The following COL14A1 variants were observed in gnomAD, a reference collection of about 807,000 sequenced individuals.
COL14A1 encodes the protein collagen alpha-1(XIV) chain.
A neutral mutation model predicts 230.3 loss-of-function variants in COL14A1; 136 were observed. That is an observed-to-expected ratio of 0.59 (90% confidence interval 0.51 to 0.68). The LOEUF is 0.68. Among genes scored for constraint, COL14A1 ranks in the 30% least tolerant of loss-of-function variants. COL14A1 has a pLI of 0.00. For missense variants in COL14A1, 1,976 were observed against 2,215.8 expected, an observed-to-expected ratio of 0.89 and a Z score of 2.17; for synonymous variants, 792 against 784.1, an observed-to-expected ratio of 1.01 and a Z score of -0.17.
chr8:120,271,397 G>A (rs1586820602), intron 26 of COL14A1, among the ~76,000 whole-genome samples: 1 of 151,166 alleles, frequency 6.6e-6, no homozygotes, highest in East Asian at 2.0e-4. Context: ...AAAAAAACAA[G>A]AGAAAAGGGA....
intron 31 of COL14A1, among the ~76,000 whole-genome samples, chr8:120,282,627 T>C (rs2129913918): frequency 6.6e-6 from 1 of 152,332 alleles, no homozygotes; most frequent in South Asian, 2.1e-4. Flanking sequence ...CACGCTAAAC[T>C]TGCACATTTA....
chr8:120,233,325 G>C (rs746132007), intron 19 of COL14A1, among the ~76,000 whole-genome samples: 20 of 152,156 alleles, frequency 1.3e-4, no homozygotes, highest in Non-Finnish European at 2.1e-4. Flanking sequence ...TGGTGTTTTA[G>C]TCATGAAGTC....
At chr8:120,241,172 A>C (rs1350154116) in intron 19 of COL14A1, among the ~76,000 whole-genome samples, 1 of 152,358 alleles carries the variant, frequency 6.6e-6, no homozygotes, top group South Asian at 2.1e-4. Flanking sequence ...AAACATTGAT[A>C]GCCATTTGAC....
At chr8:120,173,684 A>G (rs572312003) in intron 5 of COL14A1, among the ~76,000 whole-genome samples, 6 of 151,256 alleles carry the variant, frequency 4.0e-5, no homozygotes, top group African/African-American at 1.5e-4. Context: ...CTATCTATCT[A>G]TCTATCTATC....
intron 5 of COL14A1, among the ~76,000 whole-genome samples, chr8:120,195,093 G>A (rs961540091): frequency 6.6e-6 from 1 of 152,072 alleles, no homozygotes; most frequent in African/African-American, 2.4e-5. Context: ...TATTTCATTG[G>A]CAAATTCATT....
intron 37 of COL14A1, among the ~76,000 whole-genome samples, chr8:120,313,700 T>C (rs1821117430): frequency 6.6e-6 from 1 of 152,174 alleles, no homozygotes; most frequent in Non-Finnish European, 1.5e-5. Context: ...AAAGTAGTAA[T>C]GATAAAAATA....
intron 2 of COL14A1, among the ~76,000 whole-genome samples, chr8:120,152,803 G>C (rs73317791): frequency 0.34 from 51,527 of 151,962 alleles, 9,319 homozygotes; most frequent in African/African-American, 0.45. Flanking sequence ...TGGTTCTAGC[G>C]ATGTTTGTTT....
intron 10 of COL14A1, among the ~76,000 whole-genome samples, chr8:120,207,334 C>A (rs72675796): frequency 6.6e-6 from 1 of 152,148 alleles, no homozygotes; most frequent in East Asian, 1.9e-4. Flanking sequence ...TCTAACACAA[C>A]GTATTTTTCT....
intron 2 of COL14A1, among the ~76,000 whole-genome samples, chr8:120,151,363 T>A (rs1345934194): frequency 6.6e-6 from 1 of 151,636 alleles, no homozygotes; most frequent in Non-Finnish European, 1.5e-5. Flanking sequence ...GAAAAAAAAA[T>A]AGTCTGGTGG....
intron 22 of COL14A1, among the ~76,000 whole-genome samples, chr8:120,253,195 G>A (rs1250808497): frequency 1.3e-5 from 2 of 152,142 alleles, no homozygotes; most frequent in Non-Finnish European, 2.9e-5. Flanking sequence ...TTTTAGTAAA[G>A]ACAGGGTTTC....
chr8:120,223,920 GTAC>G (rs1818009633), intron 14 of COL14A1, among the ~76,000 whole-genome samples: 1 of 151,352 alleles, frequency 6.6e-6, no homozygotes, highest in South Asian at 2.1e-4. Context: ...TATGCACCCT[GTAC>G]TATGCAGCGC....
rs563111501 is a variant in COL14A1 at position 120,246,525 on chromosome 8, A to G, written c.2480-1088A>G. 2.0e-3 allele frequency among the ~76,000 whole-genome samples: 304 copies of G among 152,366 alleles called. 1 individual carries two copies. The highest frequency in any genetic ancestry group is 6.9e-3 in the African/African-American group (287 of 41,592). ...TCACAGACTTAAGCAACAATTAAAG[A>G]AAACATCAAGTAGTATTTTACCTAG... On this transcript the variant is annotated intron_variant, in intron 20 of 47. Coordinates refer to ENST00000297848, the MANE Select transcript of COL14A1 (RefSeq NM_021110.4).
At chr8:120,224,943 A>T in intron 14 of COL14A1, 145 bp from the exon 15 acceptor site, 1 of 637,362 alleles carries the variant, frequency 1.6e-6, no homozygotes. Context: ...AGAAATGTTC[A>T]TACATAAACT....
intron 1 of COL14A1, among the ~76,000 whole-genome samples, chr8:120,126,679 T>C (rs1238073826): frequency 6.6e-6 from 1 of 152,140 alleles, no homozygotes; most frequent in African/African-American, 2.4e-5. Context: ...ATAGAGAGGC[T>C]CTCTTGAAAC....
At position 120,371,180 on chromosome 8, in the gene COL14A1, C is replaced by T. The variant is rs377301171; in HGVS notation, c.5340C>T (p.Thr1780=). The change falls in exon 48 of 48, where the codon ACC becomes ACT. Residue 1780 remains threonine (T), a synonymous_variant. Coordinates refer to ENST00000297848, the MANE Select transcript of COL14A1 (RefSeq NM_021110.4). ...CCCATCCAGATCAGCCAGAGTTCAC[C>T]CCTGTCCAAGATGAGCTGGAAGCCA... ...RAPHPDQPEF[T]PVQDELEAME... 1.7e-5 allele frequency: 28 copies of T among 1,611,102 alleles called. No individual in the cohort carries two copies. Among genetic ancestry groups the T allele is most frequent in the Non-Finnish European group, 2.3e-5 (27 of 1,178,734 alleles).
chr8:120,358,257 A>G (rs1823055010), intron 45 of COL14A1, among the ~76,000 whole-genome samples: 1 of 152,194 alleles, frequency 6.6e-6, no homozygotes, highest in Admixed American at 6.5e-5. Flanking sequence ...TTCAATACCC[A>G]GATAGAGTAT....
chr8:120,226,307 TA>T (rs113509831), intron 15 of COL14A1, among the ~76,000 whole-genome samples: 5,188 of 150,030 alleles, frequency 0.035, 291 homozygotes, highest in African/African-American at 0.12. Context: ...AAATAATATT[TA>T]AAAAAAAAAT....
intron 3 of COL14A1, among the ~76,000 whole-genome samples, 166 bp from the exon 4 acceptor site, chr8:120,162,259 AT>A (rs1233965290): frequency 1.3e-5 from 2 of 152,258 alleles, no homozygotes; most frequent in East Asian, 3.8e-4. Flanking sequence ...ATGTAAAAAA[AT>A]CATGATGTAC....
intron 23 of COL14A1, among the ~76,000 whole-genome samples, chr8:120,262,581 A>C (rs536305514): frequency 9.7e-4 from 148 of 152,344 alleles, no homozygotes; most frequent in African/African-American, 3.4e-3. Flanking sequence ...TGTGCATATA[A>C]TTACATGCAT....
Sources: allele counts gnomAD v4.1 joint callset (sites outside exome capture counted in the v4.1 genomes callset), GRCh38; gene constraint gnomAD v4.1.1; transcripts MANE v1.5; gene names NCBI Gene and HGNC (gene_info 2026-07-23, HGNC 2026-07-21).